MAP3K4: variants seen among roughly 807,000 people sequenced by gnomAD.
MAP3K4 encodes the protein MAP three kinase 1.
Under a neutral mutation model 185.6 loss-of-function variants are expected in MAP3K4, and 67 were observed. The ratio of observed to expected loss-of-function variants is 0.36; its 90% CI spans 0.30 to 0.44. The LOEUF is 0.44. Among genes scored for constraint, MAP3K4 ranks in the 20% least tolerant of loss-of-function variants. MAP3K4 has a pLI of 1.00. For synonymous variants in MAP3K4, 702 were observed against 710.4 expected, an observed-to-expected ratio of 0.99 and a Z score of 0.19; for missense variants, 1,551 against 1,995.1, an observed-to-expected ratio of 0.78 and a Z score of 4.24.
At position 161,034,370 on chromosome 6, in the gene MAP3K4, A is replaced by C. The variant is rs949885397; in HGVS notation, c.264A>C (p.Thr88=). 4 of 1,613,770 alleles carry C rather than the reference A, an allele frequency of 2.5e-6. No homozygotes were observed. Among genetic ancestry groups the C allele is most frequent in the Admixed American group, 3.3e-5 (2 of 59,988 alleles). Residue 88 remains threonine (T), a synonymous_variant, in exon 2 of 27, where the codon ACA becomes ACC. Coordinates refer to ENST00000392142, the MANE Select transcript of MAP3K4 (RefSeq NM_005922.4). This position sits in a 1 kb window ranked among gnomAD's most constrained non-coding sequence, Gnocchi z 4.4. ...ENLYGTSPPS[T]PRQMKRMSTK... The stretch of plus-strand genomic sequence containing the variant: ...TTTATGGTACCTCTCCCCCCAGCAC[A>C]CCTCGACAGATGAAACGCATGTCAA...
In MAP3K4 at chr6:161,061,406, C is replaced by T. The variant is rs1784481155; in HGVS notation, c.1708-9202C>T. On this transcript the variant is annotated intron_variant, in intron 3 of 26. Coordinates refer to ENST00000392142, the MANE Select transcript of MAP3K4 (RefSeq NM_005922.4). The surrounding 1 kb of genome is among the most constrained non-coding windows in gnomAD (Gnocchi z 4.2). ...GTGGCTCTGCCACTGACTAGATATACAGTTAGATTCTTTTTTCTACTTTAT... is the reference window on the plus strand; with the variant it reads ...GTGGCTCTGCCACTGACTAGATATATAGTTAGATTCTTTTTTCTACTTTAT... Among the ~76,000 whole-genome samples, 1 of 152,208 alleles carries T rather than the reference C, an allele frequency of 6.6e-6. No individual in the cohort carries two copies. Among genetic ancestry groups the T allele is most frequent in the Non-Finnish European group, 1.5e-5 (1 of 68,044 alleles).
At chr6:161,013,847 G>A (rs1447797469) in intron 1 of MAP3K4, among the ~76,000 whole-genome samples, 6 of 152,166 alleles carry the variant, frequency 3.9e-5, no homozygotes, top group African/African-American at 9.7e-5. Flanking sequence ...GGTCATTGCC[G>A]TGGAAAGGGG....
chr6:161,020,676 A>G (rs1158327221), intron 1 of MAP3K4, among the ~76,000 whole-genome samples: 1 of 142,504 alleles, frequency 7.0e-6, no homozygotes, highest in African/African-American at 2.9e-5. Flanking sequence ...AAAAAAAAAC[A>G]AGAAAGAGAA....
At chr6:161,105,891 A>G (rs193077083) in intron 19 of MAP3K4, among the ~76,000 whole-genome samples, 1 of 149,276 alleles carries the variant, frequency 6.7e-6, no homozygotes, top group East Asian at 2.0e-4. Context: ...GCTGGAGTGC[A>G]GTGGTGCAAT....
Position 161,116,710 on chromosome 6 carries a change from G to A in MAP3K4, c.4807-140G>A, listed in dbSNP as rs1778602455. The A allele has an allele frequency of 1.5e-6, 1 of 676,466 alleles. No individual in the cohort carries two copies. Among genetic ancestry groups the A allele is most frequent in the African/African-American group, 1.8e-5 (1 of 55,458 alleles). 41.9% of individuals were successfully genotyped at this position (676,466 alleles called of 1,614,324 possible). A position where few individuals can be genotyped will look rare whatever the true frequency, so the allele number is the denominator to read the frequency against. On this transcript the variant is annotated intron_variant, in intron 26 of 26. Coordinates refer to ENST00000392142, the MANE Select transcript of MAP3K4 (RefSeq NM_005922.4). This position sits in a 1 kb window ranked among gnomAD's most constrained non-coding sequence, Gnocchi z 6.2. ...TGCCATTGTTCATTACATTTCTTAA[G>A]CCTTGCCCTCTGTGCCCAGTACAGT...
chr6:161,085,361 G>C (rs1166701587), intron 7 of MAP3K4, among the ~76,000 whole-genome samples: 1 of 152,082 alleles, frequency 6.6e-6, no homozygotes, highest in Admixed American at 6.5e-5. Context: ...ATGAAACTAT[G>C]GTTTTTCTCT....
Position 161,106,439 on chromosome 6 carries a change from T to A in MAP3K4, c.3857-75T>A. The A allele has an allele frequency of 9.3e-7, 1 of 1,070,432 alleles. No homozygotes were observed. The highest frequency in any genetic ancestry group is 1.6e-5 in the African/African-American group (1 of 62,624). The allele number at this position is 1,070,432 out of a possible 1,614,324, so 66.3% of individuals were successfully genotyped here. A position where few individuals can be genotyped will look rare whatever the true frequency, so the allele number is the denominator to read the frequency against. On this transcript the variant is annotated intron_variant, in intron 19 of 26. Coordinates refer to ENST00000392142, the MANE Select transcript of MAP3K4 (RefSeq NM_005922.4). This position sits in a 1 kb window ranked among gnomAD's most constrained non-coding sequence, Gnocchi z 4.9. ...GGAGTGCTAATATATATTGCTCTATTTTTATTGGTTTGTCTTTTGGAAACT... is the reference window on the plus strand; with the variant it reads ...GGAGTGCTAATATATATTGCTCTATATTTATTGGTTTGTCTTTTGGAAACT...
rs564980588 is a variant in MAP3K4, at chr6:161,116,207, G to A, written c.4807-643G>A. Among the ~76,000 whole-genome samples, 1 of 152,204 alleles carries A rather than the reference G, an allele frequency of 6.6e-6. No homozygotes were observed. Among genetic ancestry groups the A allele is most frequent in the African/African-American group, 2.4e-5 (1 of 41,528 alleles). On this transcript the variant is annotated intron_variant, in intron 26 of 26. Coordinates refer to ENST00000392142, the MANE Select transcript of MAP3K4 (RefSeq NM_005922.4). The surrounding 1 kb of genome is among the most constrained non-coding windows in gnomAD (Gnocchi z 6.2). Reference sequence around the variant, plus strand: ...GTAGGGAAAGAAGCAGCTGGGTGAGGGGTGGGTCGGGAGGTGGTGGGTCCT... The same window carrying A: ...GTAGGGAAAGAAGCAGCTGGGTGAGAGGTGGGTCGGGAGGTGGTGGGTCCT...
chr6:161,040,548 G>A (rs186685464), intron 2 of MAP3K4, among the ~76,000 whole-genome samples: 6 of 152,160 alleles, frequency 3.9e-5, no homozygotes, highest in Non-Finnish European at 5.9e-5. Context: ...CATCAGATTC[G>A]CAAATGTAGT....
intron 13 of MAP3K4, 63 bp from the exon 14 acceptor site, chr6:161,092,915 G>A (rs1271785540): frequency 2.1e-6 from 2 of 975,182 alleles, no homozygotes; most frequent in East Asian, 4.8e-5. Flanking sequence ...GTATTGTACA[G>A]TCTAAAACTG....
chr6:161,044,724 T>C (rs1783641378), intron 2 of MAP3K4, among the ~76,000 whole-genome samples: 1 of 152,224 alleles, frequency 6.6e-6, no homozygotes, highest in South Asian at 2.1e-4. Context: ...CTCATGGTTC[T>C]GTATGCTATA....
chr6:161,080,890 G>T lies in MAP3K4; in HGVS notation c.2107G>T (p.Asp703Tyr). ...CTTTTTGTGTTTTAAGGTGTATTTT[G>T]ATTACATGAGAAGCTGGATCCAAAT... Reference protein sequence around the residue: ...DLHKMLMVYFDYMRSWIQMLQ... With the variant: ...DLHKMLMVYFYYMRSWIQMLQ... The change falls in exon 6 of 27, where the codon GAT becomes TAT. Residue 703 changes from aspartate to tyrosine, a missense_variant. Around this residue, in one of 16 missense-constraint regions of MAP3K4, gnomAD observed 130 missense variants for 171.3 expected, o/e 0.76. Coordinates refer to ENST00000392142, the MANE Select transcript of MAP3K4 (RefSeq NM_005922.4). This position sits in a 1 kb window ranked among gnomAD's most constrained non-coding sequence, Gnocchi z 4.8. 2 of 1,613,830 alleles carry T rather than the reference G, an allele frequency of 1.2e-6. No individual in the cohort carries two copies. Among genetic ancestry groups the T allele is most frequent in the South Asian group, 2.2e-5 (2 of 90,990 alleles).
At chr6:161,060,623 T>A (rs933244866) in intron 3 of MAP3K4, among the ~76,000 whole-genome samples, 94 of 147,904 alleles carry the variant, frequency 6.4e-4, no homozygotes, top group Non-Finnish European at 1.3e-3. Context: ...TTTTTCTTTT[T>A]TTTTTTTTTT....
Position 161,116,843 on chromosome 6 carries a change from C to CGA in MAP3K4, c.4807-7_4807-6insGA. The CGA allele has an allele frequency of 6.2e-7, 1 of 1,614,114 alleles. No homozygotes were observed. The highest frequency in any genetic ancestry group is 8.5e-7 in the Non-Finnish European group (1 of 1,179,962). ...CAAGAGCTCAGCTCTCTCCTGCTTCCTCACAGGTTTGCACAGATGAAGAAT... is the reference window on the plus strand; with the variant it reads ...CAAGAGCTCAGCTCTCTCCTGCTTCCGATCACAGGTTTGCACAGATGAAGAAT... On this transcript the variant is annotated splice_region_variant and splice_polypyrimidine_tract_variant and intron_variant, in intron 26 of 26. Transcript: ENST00000392142. The surrounding 1 kb of genome is among the most constrained non-coding windows in gnomAD (Gnocchi z 6.2).
Position 161,056,848 on chromosome 6 carries a change from C to G in MAP3K4, c.1707+6869C>G, listed in dbSNP as rs78303443. Among the ~76,000 whole-genome samples, 3,473 of 152,174 alleles carry G rather than the reference C, an allele frequency of 0.023. 147 individuals carry two copies. Among genetic ancestry groups the G allele is most frequent in the African/African-American group, 0.079 (3,293 of 41,508 alleles). On this transcript the variant is annotated intron_variant, in intron 3 of 26. Transcript: ENST00000392142. The surrounding 1 kb of genome is among the most constrained non-coding windows in gnomAD (Gnocchi z 5.4). ...TTGCATCCTGGGATCCTCCAAAATC[C>G]TGATTGACTTTTTAAAATGTGCATA...
chr6:161,096,967 C>T lies in MAP3K4; in HGVS notation c.3428-113C>T, dbSNP rs967440654. 2.7e-6 allele frequency: 2 copies of T among 738,212 alleles called. No individual in the cohort carries two copies. The highest frequency in any genetic ancestry group is 4.1e-5 in the Admixed American group (2 of 49,306). The allele number at this position is 738,212 out of a possible 1,614,324, so 45.7% of individuals were successfully genotyped here. On this transcript the variant is annotated intron_variant, in intron 15 of 26. Transcript: ENST00000392142. This position sits in a 1 kb window ranked among gnomAD's most constrained non-coding sequence, Gnocchi z 4.9. ...TTTTTTACTTATATAAATGGACTTA[C>T]CTTGGTCATTGGCCAGAATAAGTGA... is the stretch of plus-strand genomic sequence containing the variant.
In MAP3K4 at chr6:161,115,745, C is replaced by T. The variant is rs1209721502; in HGVS notation, c.4806+443C>T. ...AGGTACCTTAGTTGTTTAAGAGCCA[C>T]AGCCAGGTCAGAAGTGGGGGAGGGG... On this transcript the variant is annotated intron_variant, in intron 26 of 26. Transcript: ENST00000392142. The surrounding 1 kb of genome is among the most constrained non-coding windows in gnomAD (Gnocchi z 6.0). 6.6e-6 allele frequency among the ~76,000 whole-genome samples: 1 copy of T among 152,094 alleles called. No individual in the cohort carries two copies. The highest frequency in any genetic ancestry group is 1.5e-5 in the Non-Finnish European group (1 of 68,024).
rs1240866440 is a variant in MAP3K4 at position 161,063,822 on chromosome 6, A to C, written c.1708-6786A>C. Among the ~76,000 whole-genome samples the C allele has an allele frequency of 1.3e-5, 2 of 152,176 alleles. No homozygotes were observed. The highest frequency in any genetic ancestry group is 2.9e-5 in the Non-Finnish European group (2 of 68,036). ...TGTAGACTCTGTGAGCTTTTCATAG[A>C]GCACTCATCATGACTTGGGAATTGC... On this transcript the variant is annotated intron_variant, in intron 3 of 26. Transcript: ENST00000392142. The surrounding 1 kb of genome is among the most constrained non-coding windows in gnomAD (Gnocchi z 5.4).
In MAP3K4 at chr6:161,076,303, C is replaced by T. The variant is rs1040510454; in HGVS notation, c.2097+2691C>T. Among the ~76,000 whole-genome samples the T allele has an allele frequency of 6.6e-6, 1 of 152,144 alleles. No homozygotes were observed. The highest frequency in any genetic ancestry group is 2.4e-5 in the African/African-American group (1 of 41,422). Reference sequence around the variant, plus strand: ...GAAGAGCTGCCCGACAGAAGGAGCGCGAGCTATACCGCAGCCTTCTCTGGT... The same window carrying T: ...GAAGAGCTGCCCGACAGAAGGAGCGTGAGCTATACCGCAGCCTTCTCTGGT... On this transcript the variant is annotated intron_variant, in intron 5 of 26. Coordinates refer to ENST00000392142, the MANE Select transcript of MAP3K4 (RefSeq NM_005922.4). The surrounding 1 kb of genome is among the most constrained non-coding windows in gnomAD (Gnocchi z 4.2).
Sources: gnomAD v4.1 joint callset for allele counts (sites outside exome capture counted in the v4.1 genomes callset) on GRCh38, gnomAD v4.1.1 for gene constraint, gnomAD v4.1.1 regional missense constraint, Gnocchi (gnomAD v3.1) non-coding constraint, MANE v1.5 for transcripts, NCBI Gene and HGNC (gene_info 2026-07-23, HGNC 2026-07-21) for gene names.